The following NCALD variants were observed in gnomAD, a reference collection of about 807,000 sequenced individuals.
NCALD encodes the protein neurocalcin-delta.
In NCALD, 10 loss-of-function variants were observed where a neutral mutation model predicts 18.6. The observed-to-expected ratio is 0.54, with a 90% CI of 0.33 to 0.91. NCALD has a LOEUF of 0.91. Ranked by LOEUF, NCALD falls within the 40% of genes least tolerant of loss-of-function variation. NCALD has a pLI of 0.03. For missense variants in NCALD, 184 were observed against 247.6 expected, an observed-to-expected ratio of 0.74 and a Z score of 1.72; for synonymous variants, 88 against 87.4, an observed-to-expected ratio of 1.01 and a Z score of -0.04.
At chr8:101,829,093 G>A (rs1354212207) in intron 4 of NCALD, among the ~76,000 whole-genome samples, 2 of 152,088 alleles carry the variant, frequency 1.3e-5, no homozygotes, top group African/African-American at 4.8e-5. Context: ...CAGCCTTCCT[G>A]GGTCAGTTAA....
At chr8:101,759,334 C>T (rs1017511739) in intron 1 of NCALD, among the ~76,000 whole-genome samples, 6 of 151,260 alleles carry the variant, frequency 4.0e-5, no homozygotes, top group Non-Finnish European at 8.8e-5. Flanking sequence ...TCAGTGTCTT[C>T]GAAGACAAAG....
chr8:101,777,099 C>T (rs1350084544), intron 1 of NCALD, among the ~76,000 whole-genome samples: 1 of 152,162 alleles, frequency 6.6e-6, no homozygotes, highest in African/African-American at 2.4e-5. Flanking sequence ...AAACACCCTC[C>T]TCCAAAGCTT....
intron 1 of NCALD, among the ~76,000 whole-genome samples, chr8:102,043,034 A>T (rs143208277): frequency 1.2e-4 from 19 of 152,056 alleles, no homozygotes; most frequent in African/African-American, 4.6e-4. Context: ...AGTAGCCAAC[A>T]TACCACTCCA....
chr8:102,008,320 G>C (rs761784785), intron 2 of NCALD, among the ~76,000 whole-genome samples: 7 of 152,022 alleles, frequency 4.6e-5, no homozygotes, highest in Non-Finnish European at 1.0e-4. Context: ...CATCATGACT[G>C]AGCAACCCTT....
At chr8:101,782,083 T>A (rs953012155) in intron 1 of NCALD, among the ~76,000 whole-genome samples, 7 of 147,934 alleles carry the variant, frequency 4.7e-5, no homozygotes, top group Non-Finnish European at 1.5e-5. Context: ...ATTGTATGTT[T>A]TATATATATA....
chr8:102,020,879 C>G (rs1025687387), intron 1 of NCALD, among the ~76,000 whole-genome samples: 6 of 152,144 alleles, frequency 3.9e-5, no homozygotes. Context: ...TTCAGTTCCT[C>G]CTCACCCCTT....
At chr8:101,698,469 G>A (rs183850452) in intron 2 of NCALD, among the ~76,000 whole-genome samples, 5 of 152,292 alleles carry the variant, frequency 3.3e-5, no homozygotes, top group African/African-American at 7.2e-5. Context: ...AGCCTGTATA[G>A]CCAAGACAAT....
intron 2 of NCALD, among the ~76,000 whole-genome samples, chr8:101,991,963 T>A (rs193275182): frequency 2.2e-4 from 33 of 152,348 alleles, no homozygotes; most frequent in African/African-American, 7.7e-4. Context: ...AGCTAGTTTT[T>A]TCTTCTGATA....
intron 1 of NCALD, among the ~76,000 whole-genome samples, chr8:101,751,312 A>C (rs569187412): frequency 2.2e-4 from 33 of 152,284 alleles, no homozygotes; most frequent in African/African-American, 7.7e-4. Flanking sequence ...TGGAAAGTAG[A>C]ACACAGGTTA....
chr8:102,017,685 A>G (rs746758457), intron 2 of NCALD, among the ~76,000 whole-genome samples: 2 of 152,176 alleles, frequency 1.3e-5, no homozygotes, highest in African/African-American at 2.4e-5. Context: ...ACAGAGCAAG[A>G]CTCCGTCTCA....
intron 1 of NCALD, among the ~76,000 whole-genome samples, chr8:101,756,304 A>G (rs996510140): frequency 2.0e-5 from 3 of 152,250 alleles, no homozygotes; most frequent in African/African-American, 7.2e-5. Flanking sequence ...GACTTCACTC[A>G]GCACAACTGG....
chr8:101,988,450 C>T (rs902098117), intron 2 of NCALD, among the ~76,000 whole-genome samples: 1 of 152,100 alleles, frequency 6.6e-6, no homozygotes, highest in Non-Finnish European at 1.5e-5. Context: ...TGTATGACAT[C>T]GAGAAACTTA....
chr8:102,088,264 T>C (rs1032747076), intron 1 of NCALD, among the ~76,000 whole-genome samples: 32 of 152,202 alleles, frequency 2.1e-4, no homozygotes, highest in African/African-American at 7.5e-4. Context: ...GAGTGAGTTA[T>C]TCCTGATTTA....
At chr8:101,707,488 C>T (rs1487901018) in intron 2 of NCALD, among the ~76,000 whole-genome samples, 3 of 152,206 alleles carry the variant, frequency 2.0e-5, no homozygotes, top group African/African-American at 7.2e-5. Flanking sequence ...TTATTCATCA[C>T]AGGGGTGAAT....
At chr8:101,955,009 G>A (rs1819569746) in intron 2 of NCALD, among the ~76,000 whole-genome samples, 2 of 152,092 alleles carry the variant, frequency 1.3e-5, no homozygotes, top group Admixed American at 1.3e-4. Flanking sequence ...AAGAGAGCCA[G>A]GATTTGGCTT....
At chr8:101,818,086 G>C (rs2131175167) in intron 4 of NCALD, among the ~76,000 whole-genome samples, 1 of 152,032 alleles carries the variant, frequency 6.6e-6, no homozygotes, top group East Asian at 1.9e-4. Flanking sequence ...GAAGTATTTG[G>C]GCTCAGAAAT....
At chr8:101,791,135 AGAGT>A (rs562207494), upstream of NCALD, among the ~76,000 whole-genome samples, 3 of 152,312 alleles carry the variant, frequency 2.0e-5, no homozygotes, top group African/African-American at 7.2e-5. Flanking sequence ...TGTGAGAGAG[AGAGT>A]ATGTGTGTAC....
chr8:102,055,301 T>G (rs1270111697), intron 1 of NCALD, among the ~76,000 whole-genome samples: 1 of 151,016 alleles, frequency 6.6e-6, no homozygotes. Context: ...CCTAGTACTT[T>G]GGGACTCCAT....
intron 2 of NCALD, among the ~76,000 whole-genome samples, chr8:101,943,089 T>C (rs891337467): frequency 3.9e-5 from 6 of 152,234 alleles, no homozygotes; most frequent in African/African-American, 9.6e-5. Flanking sequence ...AAAGAGTGTG[T>C]ACAGAGAACC....
Sources: gnomAD v4.1 joint callset for allele counts (sites outside exome capture counted in the v4.1 genomes callset) on GRCh38, gnomAD v4.1.1 for gene constraint, MANE v1.5 for transcripts, NCBI Gene and HGNC (gene_info 2026-07-23, HGNC 2026-07-21) for gene names.